CAND2: variants seen among roughly 807,000 people sequenced by gnomAD.
CAND2 encodes the protein cullin associated and neddylation dissociated 2 (putative), also known as cullin-associated NEDD8-dissociated protein 2.
Under a neutral mutation model 98.9 loss-of-function variants are expected in CAND2, and 62 were observed. The observed-to-expected ratio is 0.63, with a 90% CI of 0.51 to 0.77. The LOEUF (loss-of-function observed/expected upper bound fraction) is 0.77, where lower values mean the gene tolerates loss of function less well. Among genes scored for constraint, CAND2 ranks in the 30% least tolerant of loss-of-function variants. CAND2 has a pLI of 0.00. For missense variants in CAND2, 1,501 were observed against 1,655.2 expected, an observed-to-expected ratio of 0.91 and a Z score of 1.62; for synonymous variants, 770 against 731.9, an observed-to-expected ratio of 1.05 and a Z score of -0.84.
intron 4 of CAND2, among the ~76,000 whole-genome samples, chr3:12,808,707 G>GC (rs1476529949): frequency 6.6e-6 from 1 of 152,196 alleles, no homozygotes; most frequent in Non-Finnish European, 1.5e-5. Flanking sequence ...GCTCAGAGGA[G>GC]CCCCCAGTCC....
chr3:12,817,700 G>A lies in CAND2; in HGVS notation c.2768G>A (p.Gly923Glu). Reference protein sequence around the residue: ...LLLHSLREALGAAQPDSLKPY... With the variant: ...LLLHSLREALEAAQPDSLKPY... The stretch of plus-strand genomic sequence containing the variant: ...CTGCACTCACTCAGGGAGGCCCTGG[G>A]GGCCGCCCAGCCTGACAGCCTGAAG... The change falls in exon 10 of 15, where the codon GGG (glycine) becomes GAG (glutamate). Residue 923 changes from glycine to glutamate, a missense_variant. Coordinates refer to ENST00000456430, the MANE Select transcript of CAND2 (RefSeq NM_001162499.2). 1 of 1,598,514 alleles carries A rather than the reference G, an allele frequency of 6.3e-7. No individual in the cohort carries two copies. Among genetic ancestry groups the A allele is most frequent in the South Asian group, 1.1e-5 (1 of 88,706 alleles).
At chr3:12,831,316 C>G (rs539114153) in intron 13 of CAND2, 149 bp from the exon 14 acceptor site, 5 of 675,468 alleles carry the variant, frequency 7.4e-6, no homozygotes, top group Admixed American at 4.7e-5. Flanking sequence ...GGAAACAGAC[C>G]CAGAGAGGGA....
intron 12 of CAND2, 26 bp downstream of exon 12, chr3:12,825,665 G>A: frequency 1.0e-5 from 16 of 1,575,334 alleles, no homozygotes; most frequent in Non-Finnish European, 1.4e-5. Flanking sequence ...GGGGACCCAG[G>A]GGAAGCTGGG....
Position 12,833,855 on chromosome 3 carries a change from G to C in CAND2, c.3584G>C (p.Gly1195Ala). 1 of 1,614,198 alleles carries C rather than the reference G, an allele frequency of 6.2e-7. No homozygotes were observed. The highest frequency in any genetic ancestry group is 2.2e-5 in the East Asian group (1 of 44,894). The stretch of plus-strand genomic sequence containing the variant: ...GCCCTGCTGACCATCCCCGAGGTGG[G>C]GAAAAGCCCCATCATGGCCGACTTC... ...VAALLTIPEVGKSPIMADFSS... is the reference protein window; with the variant it reads ...VAALLTIPEVAKSPIMADFSS... The change falls in exon 15 of 15, where the codon GGG becomes GCG. Residue 1195 changes from glycine to alanine, a missense_variant. Transcript: ENST00000456430.
intron 11 of CAND2, among the ~76,000 whole-genome samples, chr3:12,822,769 T>G (rs1338086940): frequency 6.6e-6 from 1 of 152,222 alleles, no homozygotes; most frequent in Non-Finnish European, 1.5e-5. Flanking sequence ...GATGTGCCTG[T>G]TGCTGTTGGG....
At chr3:12,829,416 G>T (rs1471521681) in intron 13 of CAND2, among the ~76,000 whole-genome samples, 8 of 152,112 alleles carry the variant, frequency 5.3e-5, no homozygotes, top group Non-Finnish European at 8.8e-5. Context: ...CAAAGTGTTG[G>T]GATTACAGGC....
In CAND2 at chr3:12,833,688, A is replaced by C. The variant is rs1363277702; in HGVS notation, c.3484-67A>C. 2.4e-6 allele frequency: 3 copies of C among 1,261,618 alleles called. No individual in the cohort carries two copies. In the East Asian group the frequency reaches 7.0e-5, roughly 29 times the overall value. The allele number at this position is 1,261,618 out of a possible 1,614,324, so 78.2% of individuals were successfully genotyped here. On this transcript the variant is annotated intron_variant, in intron 14 of 14. Coordinates refer to ENST00000456430, the MANE Select transcript of CAND2 (RefSeq NM_001162499.2). Reference sequence around the variant, plus strand: ...TGGGGCAGAGAGGAAGCCAAAGACCAGTGAGGAGGCAGTGGTGTGGGCCAG... The same window carrying C: ...TGGGGCAGAGAGGAAGCCAAAGACCCGTGAGGAGGCAGTGGTGTGGGCCAG...
chr3:12,813,012 G>T lies in CAND2; in HGVS notation c.780G>T (p.Val260=). ...CAGGGGCTCACCTGGACCGCCTGGTGCCCCTGGTGGAGGATTTCTGCAACC... is the reference window on the plus strand; with the variant it reads ...CAGGGGCTCACCTGGACCGCCTGGTTCCCCTGGTGGAGGATTTCTGCAACC... ...HRLGAHLDRL[V]PLVEDFCNLD... The change falls in exon 6 of 15, where the codon GTG becomes GTT. Residue 260 remains valine, a synonymous_variant. Transcript: ENST00000456430. The T allele has an allele frequency of 6.3e-7, 1 of 1,578,002 alleles. No individual in the cohort carries two copies. The highest frequency in any genetic ancestry group is 8.6e-7 in the Non-Finnish European group (1 of 1,162,822).
rs1450041906 is a variant in CAND2, at chr3:12,810,191, C to T, written c.624C>T (p.Thr208=). Residue 208 remains threonine (T), a synonymous_variant, in exon 5 of 15, where the codon ACC becomes ACT. Coordinates refer to ENST00000456430, the MANE Select transcript of CAND2 (RefSeq NM_001162499.2). ...GCCACCTGGCGGCCGCCTGCAGCAC[C>T]GACCTCTTCGTCGAGCTCGCTGACC... ...ALGHLAAACS[T]DLFVELADHL... 5.2e-6 allele frequency: 8 copies of T among 1,540,114 alleles called. No homozygotes were observed. Among genetic ancestry groups the T allele is most frequent in the African/African-American group, 2.8e-5 (2 of 71,342 alleles).
intron 14 of CAND2, chr3:12,832,656 G>A (rs568547763): frequency 1.3e-5 from 2 of 152,312 alleles, no homozygotes; most frequent in East Asian, 3.9e-4. Flanking sequence ...AACTTGACTT[G>A]AAGTGGCATG....
chr3:12,796,921 C>A, intron 1 of CAND2, 133 bp downstream of exon 1: 2 of 753,980 alleles, frequency 2.7e-6, no homozygotes, highest in Non-Finnish European at 2.3e-6. Context: ...CTGCATTAAG[C>A]TGCCCCCCTC....
chr3:12,816,690 G>T lies in CAND2; in HGVS notation c.1758G>T (p.Glu586Asp), dbSNP rs753469137. ...ARLRATDLDQEVKERAISCMG... is the reference protein window; with the variant it reads ...ARLRATDLDQDVKERAISCMG... ...TTCGTGCCACTGACCTGGACCAGGA[G>T]GTGAAGGAGCGGGCCATTTCCTGCA... The change falls in exon 10 of 15, where the codon GAG becomes GAT. Residue 586 changes from glutamate (E) to aspartate (D), a missense_variant. This residue lies in a region of CAND2 where 1,427 missense variants were observed against 1,545.3 expected (regional missense o/e 0.92). Transcript: ENST00000456430. 1.2e-6 allele frequency: 2 copies of T among 1,613,738 alleles called. No individual in the cohort carries two copies. Among genetic ancestry groups the T allele is most frequent in the Non-Finnish European group, 1.7e-6 (2 of 1,180,044 alleles).
chr3:12,803,897 C>T (rs2061785508), intron 2 of CAND2, among the ~76,000 whole-genome samples: 1 of 152,152 alleles, frequency 6.6e-6, no homozygotes, highest in East Asian at 1.9e-4. Flanking sequence ...GGGTATGGTA[C>T]GAAGCAAGTG....
intron 11 of CAND2, among the ~76,000 whole-genome samples, chr3:12,824,530 C>T (rs2061984302): frequency 1.3e-5 from 2 of 152,236 alleles, no homozygotes; most frequent in African/African-American, 4.8e-5. Context: ...GTCAGGGCTT[C>T]ACCCTCGTGA....
rs2061730293 is a variant in CAND2, at chr3:12,796,954, G to C, written c.68+166G>C. ...CTCCCCACAGGCCCACTCCTGCCTC[G>C]TGGTCCCCACTGGAGCTCCGGCCGT... On this transcript the variant is annotated intron_variant, in intron 1 of 14. Transcript: ENST00000456430. 2.1e-5 allele frequency among the ~76,000 whole-genome samples: 3 copies of C among 140,030 alleles called. No individual in the cohort carries two copies. The South Asian group carries it at 6.8e-4, about 32-fold the overall frequency. The allele number at this position is 140,030 out of a possible 152,430, so 91.9% of individuals were successfully genotyped here.
chr3:12,808,499 C>A (rs2061824699), intron 4 of CAND2, among the ~76,000 whole-genome samples, 166 bp downstream of exon 4: 1 of 152,202 alleles, frequency 6.6e-6, no homozygotes. Context: ...ATTTTACAGG[C>A]TCTGAGAGAT....
rs1339885985 is a variant in CAND2 at position 12,817,677 on chromosome 3, G to T, written c.2745G>T (p.Leu915=). 6.2e-7 allele frequency: 1 copy of T among 1,608,960 alleles called. No homozygotes were observed. The highest frequency in any genetic ancestry group is 8.5e-7 in the Non-Finnish European group (1 of 1,177,634). ...AGCCCCGACGACAGTACCTGCTGCT[G>T]CACTCACTCAGGGAGGCCCTGGGGG... is the stretch of plus-strand genomic sequence containing the variant. The part of the protein sequence containing the change: ...EAEPRRQYLL[L]HSLREALGAA... The change falls in exon 10 of 15, where the codon CTG becomes CTT. Residue 915 remains leucine, a synonymous_variant. Coordinates refer to ENST00000456430, the MANE Select transcript of CAND2 (RefSeq NM_001162499.2).
Position 12,813,096 on chromosome 3 carries a change from G to GT in CAND2, c.863+2dup, listed in dbSNP as rs754049814. On this transcript the variant is annotated splice_donor_variant, in intron 6 of 14. Coordinates refer to ENST00000456430, the MANE Select transcript of CAND2 (RefSeq NM_001162499.2). LOFTEE classifies it high-confidence loss of function. ...AGGCTTTTGAGGCCTTCTTGAGGAA[G>GT]TATGTATGGTGGGGTTGCCTGGGGA... The GT allele has an allele frequency of 6.4e-7, 1 of 1,574,276 alleles. No homozygotes were observed. The highest frequency in any genetic ancestry group is 8.6e-7 in the Non-Finnish European group (1 of 1,159,146).
In CAND2 at chr3:12,823,752, C is replaced by T. The variant is rs937826642; in HGVS notation, c.3041-1718C>T. Among the ~76,000 whole-genome samples, 32 of 149,830 alleles carry T rather than the reference C, an allele frequency of 2.1e-4. 1 individual carries two copies. The highest frequency in any genetic ancestry group is 4.0e-4 in the Admixed American group (6 of 15,056). Reference sequence around the variant, plus strand: ...CTCAAAAAAAAAAACAACAAAAAAACGGGGTGTGGTGGCACACGCCTATAA... The same window carrying T: ...CTCAAAAAAAAAAACAACAAAAAAATGGGGTGTGGTGGCACACGCCTATAA... On this transcript the variant is annotated intron_variant, in intron 11 of 14. Coordinates refer to ENST00000456430, the MANE Select transcript of CAND2 (RefSeq NM_001162499.2).
Sources: gnomAD v4.1 joint callset for allele counts (sites outside exome capture counted in the v4.1 genomes callset) on GRCh38, gnomAD v4.1.1 for gene constraint, gnomAD v4.1.1 regional missense constraint, MANE v1.5 for transcripts, NCBI Gene and HGNC (gene_info 2026-07-23, HGNC 2026-07-21) for gene names.